The following GNPTAB variants were observed in gnomAD, a reference collection of about 807,000 sequenced individuals.
The protein encoded by GNPTAB is N-acetylglucosamine-1-phosphate transferase subunits alpha and beta.
Under a neutral mutation model 136.6 loss-of-function variants are expected in GNPTAB, and 92 were observed. That is an observed-to-expected ratio of 0.67 (90% CI 0.57 to 0.80). The LOEUF is 0.80. Among genes scored for constraint, GNPTAB ranks in the 30% least tolerant of loss-of-function variants. The pLI, the probability that GNPTAB is intolerant of heterozygous loss-of-function variation, is 0.00. For synonymous variants in GNPTAB, 512 were observed against 535.1 expected (o/e 0.96, Z 0.60); for missense variants, 1,343 against 1,501.8 (o/e 0.89, Z 1.75).
rs564165798 is a variant in GNPTAB at position 101,755,154 on chromosome 12, A to T, written c.3435-1615T>A. 3.3e-5 allele frequency among the ~76,000 whole-genome samples: 5 copies of T among 152,340 alleles called. No individual in the cohort carries two copies. The East Asian group carries it at 9.6e-4, about 29-fold the overall frequency. ...AGATACATACAAAAAACGTGGAGCT[A>T]AAATGATACAATGTTTGAGATTCAC... On this transcript the variant is annotated intron_variant, in intron 18 of 20. Coordinates refer to ENST00000299314, the MANE Select transcript of GNPTAB (RefSeq NM_024312.5).
At chr12:101,815,896 G>A (rs1870492644) in intron 1 of GNPTAB, among the ~76,000 whole-genome samples, 1 of 152,124 alleles carries the variant, frequency 6.6e-6, no homozygotes, top group African/African-American at 2.4e-5. Context: ...TAAATCCACA[G>A]ATTTACAGCC....
chr12:101,800,638 C>T (rs1289182978), intron 1 of GNPTAB, among the ~76,000 whole-genome samples: 1 of 147,414 alleles, frequency 6.8e-6, no homozygotes, highest in Non-Finnish European at 1.5e-5. Context: ...ATCAGCCAGG[C>T]GTGGTGGCAG....
chr12:101,760,898 G>A lies in GNPTAB; in HGVS notation c.3135+229C>T, dbSNP rs541369792. ...AGGGTGAAGCGTTTCTCCTGTCTCAGCCTCCCAAGTAGCTGGAATGACAGG... is the reference window on the plus strand; with the variant it reads ...AGGGTGAAGCGTTTCTCCTGTCTCAACCTCCCAAGTAGCTGGAATGACAGG... On this transcript the variant is annotated intron_variant, in intron 15 of 20. Transcript: ENST00000299314. Among the ~76,000 whole-genome samples the A allele has an allele frequency of 5.3e-5, 8 of 151,348 alleles. No individual in the cohort carries two copies. The East Asian group carries it at 1.6e-3, about 30-fold the overall frequency.
At chr12:101,774,282 A>C (rs1195895639) in intron 7 of GNPTAB, among the ~76,000 whole-genome samples, 1 of 152,254 alleles carries the variant, frequency 6.6e-6, no homozygotes, top group East Asian at 1.9e-4. Flanking sequence ...ATGTTAATTC[A>C]GAAAAATATG....
chr12:101,761,566 A>G lies in GNPTAB; in HGVS notation c.2913T>C (p.Asp971=), dbSNP rs374361252. ...ACTCAAACACGAGCAAGACTTACATATCTTGCAGTTCTTGCATAACAATCC... is the reference window on the plus strand; with the variant it reads ...ACTCAAACACGAGCAAGACTTACATGTCTTGCAGTTCTTGCATAACAATCC... ...IDRIVMQELQ[D]MFPEEFDKTS... Residue 971 remains aspartate, a splice_region_variant and synonymous_variant, in exon 14 of 21, where the codon GAT becomes GAC. Transcript: ENST00000299314. 1.2e-6 allele frequency: 2 copies of G among 1,612,690 alleles called. No homozygotes were observed. The highest frequency in any genetic ancestry group is 1.7e-4 in the Middle Eastern group (1 of 6,060).
chr12:101,807,225 A>C (rs1317509993), intron 1 of GNPTAB, among the ~76,000 whole-genome samples: 1 of 152,216 alleles, frequency 6.6e-6, no homozygotes. Context: ...TTGACAATCC[A>C]ACATTAATTT....
At chr12:101,819,759 A>C (rs1352865847) in intron 1 of GNPTAB, among the ~76,000 whole-genome samples, 12 of 152,336 alleles carry the variant, frequency 7.9e-5, no homozygotes, top group Admixed American at 7.8e-4. Context: ...GCAAGATGAG[A>C]ACAATCTAAA....
At chr12:101,824,520 G>T (rs1468139010) in intron 1 of GNPTAB, among the ~76,000 whole-genome samples, 1 of 143,856 alleles carries the variant, frequency 7.0e-6, no homozygotes, top group Non-Finnish European at 1.5e-5. Context: ...AAGCTGGAGT[G>T]CAGTGGCACA....
intron 11 of GNPTAB, 110 bp from the exon 12 acceptor site, chr12:101,766,404 G>C (rs557316972): frequency 3.3e-6 from 3 of 904,940 alleles, no homozygotes; most frequent in Non-Finnish European, 3.6e-6. Context: ...TTGGGAGGCA[G>C]AGGAGGCTGG....
At chr12:101,823,076 C>G (rs557291907) in intron 1 of GNPTAB, among the ~76,000 whole-genome samples, 1 of 152,180 alleles carries the variant, frequency 6.6e-6, no homozygotes, top group African/African-American at 2.4e-5. Context: ...ATAACTGGGA[C>G]CAATGCCAGG....
chr12:101,788,214 C>G (rs1348999137), intron 4 of GNPTAB, among the ~76,000 whole-genome samples: 2 of 152,070 alleles, frequency 1.3e-5, no homozygotes, highest in African/African-American at 4.8e-5. Context: ...AAATGATGGA[C>G]ATAAATTTTA....
At chr12:101,808,375 T>TAA (rs779978335) in intron 1 of GNPTAB, among the ~76,000 whole-genome samples, 14,511 of 106,542 alleles carry the variant, frequency 0.14, 905 homozygotes, top group Middle Eastern at 0.2. Context: ...CCCGGGCAAT[T>TAA]AAAAAAAAAA....
At chr12:101,826,220 G>C (rs1432936035) in intron 1 of GNPTAB, among the ~76,000 whole-genome samples, 12 of 152,148 alleles carry the variant, frequency 7.9e-5, no homozygotes, top group Admixed American at 2.6e-4. Flanking sequence ...GGAGCAGAGA[G>C]GTCACGGAAA....
intron 1 of GNPTAB, among the ~76,000 whole-genome samples, chr12:101,801,231 C>CAAAAAAAAAAA (rs35036983): frequency 7.8e-5 from 1 of 12,754 alleles, no homozygotes; most frequent in African/African-American, 3.2e-4. Context: ...GACCCTGTCT[C>CAAAAAAAAAAA]AAAAAAAAAA....
intron 9 of GNPTAB, 107 bp from the exon 10 acceptor site, chr12:101,770,298 GA>G: frequency 7.1e-7 from 1 of 1,401,006 alleles, no homozygotes; most frequent in East Asian, 2.3e-5. Context: ...GAGAAAGGAA[GA>G]AATGGAGGTA....
At chr12:101,808,745 G>A (rs556371045) in intron 1 of GNPTAB, among the ~76,000 whole-genome samples, 7 of 152,270 alleles carry the variant, frequency 4.6e-5, no homozygotes, top group African/African-American at 1.4e-4. Context: ...TCGGGAGTTC[G>A]AGACCAGCCT....
chr12:101,824,404 C>CTATA (rs1566102959), intron 1 of GNPTAB, among the ~76,000 whole-genome samples: 2 of 56,446 alleles, frequency 3.5e-5, no homozygotes, highest in African/African-American at 1.7e-4. Flanking sequence ...AGAAATTTCA[C>CTATA]CATATATATA....
chr12:101,756,252 C>CA (rs1268912735), intron 18 of GNPTAB: 1 of 156,134 alleles, frequency 6.4e-6, no homozygotes, highest in Non-Finnish European at 1.4e-5. Context: ...TTGAAAATTC[C>CA]AATTTCTTTC....
In GNPTAB at chr12:101,770,205, C is replaced by T. The variant is rs776493814; in HGVS notation, c.1114-14G>A. ...TCGAAAAACATCCTTTTAACAACAA[C>T]AAACAAAAAAAGAGAGTGAATGAGA... On this transcript the variant is annotated splice_polypyrimidine_tract_variant and intron_variant, in intron 9 of 20. Transcript: ENST00000299314. 13 of 1,612,584 alleles carry T rather than the reference C, an allele frequency of 8.1e-6. No homozygotes were observed. Among genetic ancestry groups the T allele is most frequent in the Non-Finnish European group, 3.4e-6 (4 of 1,179,430 alleles).
Sources: gnomAD v4.1 joint callset for allele counts (sites outside exome capture counted in the v4.1 genomes callset) on GRCh38, gnomAD v4.1.1 for gene constraint, MANE v1.5 for transcripts, NCBI Gene and HGNC (gene_info 2026-07-23, HGNC 2026-07-21) for gene names.